Variants in PTPRD observed in about 807,000 individuals in gnomAD.
The protein encoded by PTPRD is receptor-type tyrosine-protein phosphatase delta.
PTPRD carries 34 observed loss-of-function variants against 214.5 expected under a neutral mutation model. That is an observed-to-expected ratio of 0.16 (90% CI 0.12 to 0.21). PTPRD has a LOEUF of 0.21. Ranked by LOEUF, PTPRD falls within the 10% of genes least tolerant of loss-of-function variation. The pLI is 1.00. For synonymous variants in PTPRD, 1,128 were observed against 845.7 expected, an observed-to-expected ratio of 1.33 and a Z score of -5.79; for missense variants, 2,545 against 2,398.7, an observed-to-expected ratio of 1.06 and a Z score of -1.27.
chr9:8,708,699 A>C (rs2098263108), intron 12 of PTPRD, among the ~76,000 whole-genome samples: 1 of 148,634 alleles, frequency 6.7e-6, no homozygotes, highest in African/African-American at 2.4e-5. Flanking sequence ...AAAAAAAAAA[A>C]AAAAACAGAG....
intron 33 of PTPRD, among the ~76,000 whole-genome samples, chr9:8,452,113 G>A (rs2095982023): frequency 6.6e-6 from 1 of 152,168 alleles, no homozygotes; most frequent in Non-Finnish European, 1.5e-5. Flanking sequence ...TGAACAGGGA[G>A]GGATGTAGTG....
At chr9:10,594,766 G>T (rs557330005) in intron 2 of PTPRD, among the ~76,000 whole-genome samples, 1 of 151,960 alleles carries the variant, frequency 6.6e-6, no homozygotes, top group Admixed American at 6.6e-5. Context: ...CTGGTTCAAA[G>T]GTGTGTGGTA....
chr9:10,119,411 T>C (rs2098757276), intron 3 of PTPRD, among the ~76,000 whole-genome samples: 1 of 152,064 alleles, frequency 6.6e-6, no homozygotes, highest in South Asian at 2.1e-4. Flanking sequence ...AAGGATATCA[T>C]GCATTCTAGA....
At chr9:10,441,789 C>A (rs879934654) in intron 2 of PTPRD, among the ~76,000 whole-genome samples, 2 of 151,452 alleles carry the variant, frequency 1.3e-5, no homozygotes, top group African/African-American at 4.8e-5. Flanking sequence ...AATAAATCCA[C>A]GACAAATAAA....
intron 39 of PTPRD, among the ~76,000 whole-genome samples, chr9:8,346,463 T>A (rs1467372064): frequency 6.6e-6 from 1 of 152,132 alleles, no homozygotes; most frequent in East Asian, 1.9e-4. Flanking sequence ...TCTGAAAATA[T>A]TAAATGGAAA....
chr9:8,408,038 G>C (rs946682597), intron 35 of PTPRD, among the ~76,000 whole-genome samples: 2 of 152,164 alleles, frequency 1.3e-5, no homozygotes, highest in Non-Finnish European at 2.9e-5. Flanking sequence ...TCATGAATGA[G>C]TAAGACCCTA....
intron 11 of PTPRD, among the ~76,000 whole-genome samples, chr9:8,741,206 A>G (rs1385466928): frequency 4.0e-5 from 6 of 149,442 alleles, no homozygotes; most frequent in African/African-American, 1.5e-4. Context: ...ATGAACAGAT[A>G]GAAAGGAAAA....
At chr9:9,318,223 C>CAA (rs1964417409) in intron 9 of PTPRD, among the ~76,000 whole-genome samples, 18 of 133,024 alleles carry the variant, frequency 1.4e-4, no homozygotes, top group East Asian at 7.8e-4. Context: ...AAACAAAAAA[C>CAA]CAAAAAAAAA....
intron 11 of PTPRD, among the ~76,000 whole-genome samples, chr9:8,807,493 C>G (rs1165913462): frequency 6.6e-6 from 1 of 151,952 alleles, no homozygotes; most frequent in African/African-American, 2.4e-5. Context: ...ATCAAACAAA[C>G]AAAGCAACTA....
At chr9:10,320,657 C>A (rs2096537168) in intron 3 of PTPRD, among the ~76,000 whole-genome samples, 1 of 151,946 alleles carries the variant, frequency 6.6e-6, no homozygotes, top group African/African-American at 2.4e-5. Context: ...CTATTGTTTT[C>A]TCTTTATCAG....
At chr9:8,959,431 G>A (rs1422088493) in intron 11 of PTPRD, among the ~76,000 whole-genome samples, 7 of 151,936 alleles carry the variant, frequency 4.6e-5, no homozygotes, top group African/African-American at 1.4e-4. Flanking sequence ...GACAAAAAAT[G>A]GAGTGTAATA....
intron 39 of PTPRD, among the ~76,000 whole-genome samples, chr9:8,365,956 T>C (rs2079759719): frequency 1.3e-5 from 2 of 152,152 alleles, no homozygotes; most frequent in Admixed American, 6.5e-5. Flanking sequence ...CAAATTACTG[T>C]GGTTTTAAGC....
intron 11 of PTPRD, among the ~76,000 whole-genome samples, chr9:8,875,013 T>C (rs1414565027): frequency 6.6e-6 from 1 of 152,188 alleles, no homozygotes; most frequent in Non-Finnish European, 1.5e-5. Context: ...AGGGCTGTGC[T>C]CATCAGTGGT....
intron 2 of PTPRD, among the ~76,000 whole-genome samples, chr9:10,341,551 T>C (rs2096939524): frequency 1.3e-5 from 2 of 151,978 alleles, no homozygotes; most frequent in Non-Finnish European, 2.9e-5. Context: ...ACTTTCAATA[T>C]TGTTAAGCAT....
At position 8,565,778 on chromosome 9, in the gene PTPRD, C is replaced by T. The variant is rs141171427; in HGVS notation, c.353-36999G>A. Among the ~76,000 whole-genome samples, 799 of 152,168 alleles carry T rather than the reference C, an allele frequency of 5.3e-3. 2 individuals carry two copies. Among genetic ancestry groups the T allele is most frequent in the Middle Eastern group, 0.02 (6 of 294 alleles). On this transcript the variant is annotated intron_variant, in intron 14 of 45. Transcript: ENST00000381196. ...TAATTGTTCTGCATAGTTTATGAGA[C>T]GCTTATCAAAAAGAACTGGGGTAAG...
intron 5 of PTPRD, among the ~76,000 whole-genome samples, chr9:9,937,537 A>T (rs2089988801): frequency 6.6e-6 from 1 of 152,116 alleles, no homozygotes; most frequent in Non-Finnish European, 1.5e-5. Flanking sequence ...ATTCTGTTTA[A>T]ATATTTTCAG....
intron 5 of PTPRD, among the ~76,000 whole-genome samples, chr9:9,894,502 T>C (rs1229521247): frequency 6.6e-6 from 1 of 152,026 alleles, no homozygotes; most frequent in Non-Finnish European, 1.5e-5. Flanking sequence ...TTCCTTTTCC[T>C]GATACACCTA....
intron 9 of PTPRD, among the ~76,000 whole-genome samples, chr9:9,390,264 G>C (rs556933830): frequency 1.3e-5 from 2 of 152,168 alleles, no homozygotes; most frequent in African/African-American, 4.8e-5. Context: ...GAAGGCCATT[G>C]TAAGGACTTG....
rs2097889106 is a variant in PTPRD, at chr9:8,521,505, G to A, written c.733C>T (p.His245Tyr). 1.2e-6 allele frequency: 2 copies of A among 1,613,968 alleles called. No individual in the cohort carries two copies. Among genetic ancestry groups the A allele is most frequent in the Non-Finnish European group, 1.7e-6 (2 of 1,179,916 alleles). The part of the protein sequence containing the change: ...PPRFSIPPTN[H>Y]EIMPGGSVNI... ...ACGCTTCCGCCTGGCATGATTTCATGATTAGTGGGTGGGATAGAGAATCTT... is the reference window on the plus strand; with the variant it reads ...ACGCTTCCGCCTGGCATGATTTCATAATTAGTGGGTGGGATAGAGAATCTT... Residue 245 changes from histidine (H) to tyrosine (Y), a missense_variant, in exon 20 of 46, where the codon CAT becomes TAT. Coordinates refer to ENST00000381196, the MANE Select transcript of PTPRD (RefSeq NM_002839.4).
Sources: allele counts gnomAD v4.1 joint callset (sites outside exome capture counted in the v4.1 genomes callset), GRCh38; gene constraint gnomAD v4.1.1; transcripts MANE v1.5; gene names NCBI Gene and HGNC (gene_info 2026-07-23, HGNC 2026-07-21).